SEMA6D: variants seen among roughly 807,000 people sequenced by gnomAD.
SEMA6D encodes semaphorin-6D.
SEMA6D carries 35 observed loss-of-function variants against 106.6 expected under a neutral mutation model. The ratio of observed to expected loss-of-function variants is 0.33; its 90% CI spans 0.25 to 0.44. The LOEUF (loss-of-function observed/expected upper bound fraction) is 0.44, where lower values mean the gene tolerates loss of function less well. Among genes scored for constraint, SEMA6D ranks in the 20% least tolerant of loss-of-function variants. The pLI is 1.00. For missense variants in SEMA6D, 1,185 were observed against 1,345.9 expected (o/e 0.88, Z 1.87); for synonymous variants, 499 against 487.7 (o/e 1.02, Z -0.31).
chr15:47,294,996 C>T (rs999987158), intron 1 of SEMA6D, among the ~76,000 whole-genome samples: 1 of 152,012 alleles, frequency 6.6e-6, no homozygotes, highest in Non-Finnish European at 1.5e-5. Context: ...TCATTAATAC[C>T]CTTTTAGCCT....
At chr15:47,227,890 T>TTTTATATATATAAGAATCTTATATATA (rs1566938310) in intron 1 of SEMA6D, among the ~76,000 whole-genome samples, 39 of 144,582 alleles carry the variant, frequency 2.7e-4, no homozygotes, top group Admixed American at 4.2e-4. Context: ...ATCATATATA[T>TTTTATATATATAAGAATCTTATATATA]TTTATATATA....
chr15:47,190,976 C>T (rs901992234), intron 1 of SEMA6D, among the ~76,000 whole-genome samples: 1 of 152,116 alleles, frequency 6.6e-6, no homozygotes, highest in African/African-American at 2.4e-5. Flanking sequence ...TCCAAACCAG[C>T]TGTGGCAACA....
intron 1 of SEMA6D, among the ~76,000 whole-genome samples, chr15:47,408,708 A>T (rs538810199): frequency 6.6e-6 from 1 of 152,372 alleles, no homozygotes; most frequent in South Asian, 2.1e-4. Flanking sequence ...GGAAAGACAC[A>T]CAGAGCCTGA....
At chr15:47,492,805 A>G (rs2141457557) in intron 3 of SEMA6D, among the ~76,000 whole-genome samples, 1 of 152,294 alleles carries the variant, frequency 6.6e-6, no homozygotes, top group African/African-American at 2.4e-5. Context: ...GTATTACAAT[A>G]ACCTTACAAT....
chr15:47,195,814 A>T (rs1470893465), intron 1 of SEMA6D, among the ~76,000 whole-genome samples: 1 of 152,126 alleles, frequency 6.6e-6, no homozygotes, highest in African/African-American at 2.4e-5. Flanking sequence ...GGTGGACACG[A>T]TGTCTTGTTG....
intron 3 of SEMA6D, among the ~76,000 whole-genome samples, chr15:47,565,721 C>T (rs2046211783): frequency 6.6e-6 from 1 of 152,124 alleles, no homozygotes. Flanking sequence ...AACATATTGT[C>T]CTCTCCCCTT....
At chr15:47,262,555 C>A (rs62014036) in intron 1 of SEMA6D, among the ~76,000 whole-genome samples, 1,801 of 152,042 alleles carry the variant, frequency 0.012, 34 homozygotes, top group Admixed American at 0.013. Flanking sequence ...GGGGAAATGG[C>A]CCTCATGATT....
chr15:47,638,930 G>T (rs1349943384), intron 4 of SEMA6D, among the ~76,000 whole-genome samples: 1 of 152,186 alleles, frequency 6.6e-6, no homozygotes, highest in African/African-American at 2.4e-5. Context: ...GAAAAAGGCT[G>T]GTCCCCAGCT....
At chr15:47,191,745 G>A (rs1052641166) in intron 1 of SEMA6D, among the ~76,000 whole-genome samples, 2 of 152,170 alleles carry the variant, frequency 1.3e-5, no homozygotes, top group Non-Finnish European at 2.9e-5. Flanking sequence ...ATAATGAAGG[G>A]TGTATGTCTC....
chr15:47,380,976 A>G (rs1308096683), intron 1 of SEMA6D, among the ~76,000 whole-genome samples: 3 of 152,258 alleles, frequency 2.0e-5, no homozygotes, highest in African/African-American at 7.2e-5. Context: ...AAAATGCTAA[A>G]AAGAGAAAAT....
chr15:47,464,468 C>T (rs568975618), intron 2 of SEMA6D, among the ~76,000 whole-genome samples: 25 of 152,192 alleles, frequency 1.6e-4, no homozygotes, highest in African/African-American at 5.5e-4. Context: ...GAACCACTGC[C>T]ACCAGTGTCC....
At chr15:47,464,884 G>T (rs998785515) in intron 2 of SEMA6D, among the ~76,000 whole-genome samples, 2 of 152,136 alleles carry the variant, frequency 1.3e-5, no homozygotes, top group Non-Finnish European at 2.9e-5. Context: ...TGGACCAAGT[G>T]GGGGTTTGCC....
chr15:47,619,067 G>A (rs939393148), intron 4 of SEMA6D, among the ~76,000 whole-genome samples: 3 of 152,210 alleles, frequency 2.0e-5, no homozygotes, highest in Non-Finnish European at 2.9e-5. Flanking sequence ...CTCAGCCGAC[G>A]TTGCAGGATT....
In SEMA6D at chr15:47,275,596, A is replaced by T. The variant is rs1402010310; in HGVS notation, c.-239+91178A>T. Among the ~76,000 whole-genome samples, 3 of 152,092 alleles carry T rather than the reference A, an allele frequency of 2.0e-5. No individual in the cohort carries two copies. The East Asian group carries it at 5.8e-4, about 29-fold the overall frequency. On this transcript the variant is annotated intron_variant, in intron 1 of 19. Coordinates refer to the SEMA6D transcript ENST00000558014. ...TTGGGGCATCATAACCTGTGCCCAT[A>T]TTAGGTGGCAAACTAATTGATAAAA...
In SEMA6D at chr15:47,730,226, C is replaced by G. The variant is rs8036756; in HGVS notation, c.-55+12534C>G. The G allele has an allele frequency of 1.6e-4, 244 of 1,534,662 alleles. No individual in the cohort carries two copies. In the African/African-American group the frequency reaches 2.9e-3, roughly 18 times the overall value. ...CACAGACTTAGGATCCAGGACGTTG[C>G]CGCCCCAGTGACGGCGGATCTCATC... is the stretch of plus-strand genomic sequence containing the variant. On this transcript the variant is annotated intron_variant, in intron 1 of 18. Transcript: ENST00000536845.
intron 1 of SEMA6D, among the ~76,000 whole-genome samples, chr15:47,340,905 T>A (rs1760923995): frequency 6.6e-6 from 1 of 152,172 alleles, no homozygotes; most frequent in South Asian, 2.1e-4. Context: ...TGCTGAGATA[T>A]TTATAACTGC....
In SEMA6D at chr15:47,192,842, T is replaced by G. The variant is rs757868045; in HGVS notation, c.-239+8424T>G. Among the ~76,000 whole-genome samples, 4 of 152,328 alleles carry G rather than the reference T, an allele frequency of 2.6e-5. No individual in the cohort carries two copies. The East Asian group carries it at 7.7e-4, about 29-fold the overall frequency. On this transcript the variant is annotated intron_variant, in intron 1 of 19. Coordinates refer to the SEMA6D transcript ENST00000558014. ...GGCCACACAGAAAATGTCTACTGAATAGAGACAATAGAAAAATCACAATAG... is the reference window on the plus strand; with the variant it reads ...GGCCACACAGAAAATGTCTACTGAAGAGAGACAATAGAAAAATCACAATAG...
intron 1 of SEMA6D, among the ~76,000 whole-genome samples, chr15:47,395,219 AG>A (rs1340540953): frequency 6.6e-6 from 1 of 152,224 alleles, no homozygotes; most frequent in Non-Finnish European, 1.5e-5. Context: ...AAGCACAGTG[AG>A]GGGGAAGAGA....
chr15:47,625,169 T>G (rs928166394), intron 4 of SEMA6D, among the ~76,000 whole-genome samples: 2 of 152,098 alleles, frequency 1.3e-5, no homozygotes, highest in African/African-American at 4.8e-5. Flanking sequence ...AAAGATTTTT[T>G]GGGGGGAGAA....
Sources: gnomAD v4.1 joint callset for allele counts (sites outside exome capture counted in the v4.1 genomes callset) on GRCh38, gnomAD v4.1.1 for gene constraint, MANE v1.5 for transcripts, NCBI Gene and HGNC (gene_info 2026-07-23, HGNC 2026-07-21) for gene names.